The following ZDHHC13 variants were observed in gnomAD, a reference collection of about 807,000 sequenced individuals.
ZDHHC13 encodes the protein palmitoyltransferase ZDHHC13.
ZDHHC13 carries 85 observed loss-of-function variants against 86.0 expected under a neutral mutation model. That is an observed-to-expected ratio of 0.99 (90% CI 0.83 to 1.18). ZDHHC13 has a LOEUF of 1.18. Among genes scored for constraint, ZDHHC13 ranks in the 50% most tolerant of loss-of-function variants. ZDHHC13 has a pLI of 0.00. For synonymous variants in ZDHHC13, 263 were observed against 246.4 expected, an observed-to-expected ratio of 1.07 and a Z score of -0.63; for missense variants, 711 against 730.2, an observed-to-expected ratio of 0.97 and a Z score of 0.30.
intron 1 of ZDHHC13, among the ~76,000 whole-genome samples, chr11:19,136,018 C>T (rs1452537673): frequency 1.3e-5 from 2 of 152,250 alleles, no homozygotes; most frequent in African/African-American, 4.8e-5. Context: ...CAGAGCGCCT[C>T]TCCTCCTCCA....
intron 1 of ZDHHC13, among the ~76,000 whole-genome samples, chr11:19,133,831 G>A (rs1271695749): frequency 6.6e-6 from 1 of 150,582 alleles, no homozygotes; most frequent in African/African-American, 2.4e-5. Context: ...AGTCTTCTAA[G>A]GTGCTGGCTC....
chr11:19,167,017 G>A lies in ZDHHC13; in HGVS notation c.1474+632G>A, dbSNP rs549448783. The A allele has an allele frequency of 3.9e-5, 6 of 152,306 alleles. No homozygotes were observed. In the South Asian group the frequency reaches 1.0e-3, roughly 26 times the overall value. 9.4% of individuals were successfully genotyped at this position (152,306 alleles called of 1,614,324 possible). A position where few individuals can be genotyped will look rare whatever the true frequency, so the allele number is the denominator to read the frequency against. On this transcript the variant is annotated intron_variant, in intron 14 of 16. Coordinates refer to ENST00000446113, the MANE Select transcript of ZDHHC13 (RefSeq NM_019028.3). ...GAGGTGGTTGACTAAGAAGGACAGG[G>A]TTTAAATTGAACCAAGAAAGATTTT...
intron 1 of ZDHHC13, among the ~76,000 whole-genome samples, chr11:19,134,356 C>A (rs1463862770): frequency 6.6e-6 from 1 of 152,060 alleles, no homozygotes; most frequent in Non-Finnish European, 1.5e-5. Flanking sequence ...AAAAAATTAG[C>A]TGGGTATACC....
chr11:19,137,774 A>G (rs1470257947), intron 1 of ZDHHC13, among the ~76,000 whole-genome samples: 3 of 152,278 alleles, frequency 2.0e-5, no homozygotes, highest in African/African-American at 7.2e-5. Context: ...AAACCGCTCA[A>G]CTACATGGAA....
intron 4 of ZDHHC13, among the ~76,000 whole-genome samples, chr11:19,148,974 A>G (rs1849540029): frequency 6.6e-6 from 1 of 151,034 alleles, no homozygotes; most frequent in Non-Finnish European, 1.5e-5. Flanking sequence ...AACAAAAAAC[A>G]AAAAAAAACG....
chr11:19,169,737 G>A (rs979413021), intron 14 of ZDHHC13: 1 of 985,340 alleles, frequency 1.0e-6, no homozygotes, highest in African/African-American at 1.7e-5. Flanking sequence ...ACATGGGTTA[G>A]GAGGTTGATA....
intron 1 of ZDHHC13, among the ~76,000 whole-genome samples, chr11:19,133,960 A>C (rs1293502843): frequency 1.4e-5 from 1 of 71,404 alleles, no homozygotes; most frequent in East Asian, 3.0e-4. Flanking sequence ...TGTGTTTTAT[A>C]TACTTCAGTC....
intron 1 of ZDHHC13, among the ~76,000 whole-genome samples, chr11:19,139,950 A>G (rs1212817933): frequency 1.4e-5 from 2 of 146,658 alleles, no homozygotes; most frequent in African/African-American, 2.6e-5. Flanking sequence ...TAGACCTAAA[A>G]CCATAAAAAC....
intron 14 of ZDHHC13, chr11:19,169,270 A>T: frequency 3.0e-6 from 3 of 985,404 alleles, no homozygotes; most frequent in Non-Finnish European, 3.6e-6. Context: ...GGTGCATGGG[A>T]TGCATCTTTC....
At chr11:19,171,351 C>A (rs1411321978) in intron 15 of ZDHHC13, among the ~76,000 whole-genome samples, 1 of 151,928 alleles carries the variant, frequency 6.6e-6, no homozygotes, top group Non-Finnish European at 1.5e-5. Flanking sequence ...TACTGTAAGA[C>A]CTCAGATAAT....
chr11:19,165,770 G>T (rs1285301794), intron 13 of ZDHHC13, among the ~76,000 whole-genome samples: 1 of 152,204 alleles, frequency 6.6e-6, no homozygotes, highest in African/African-American at 2.4e-5. Context: ...GATATTCAGA[G>T]GTGGTGCTTT....
At chr11:19,162,768 GTA>G (rs1247903168) in intron 10 of ZDHHC13, among the ~76,000 whole-genome samples, 23 of 152,158 alleles carry the variant, frequency 1.5e-4, no homozygotes, top group Non-Finnish European at 1.5e-4. Flanking sequence ...AGAACTGAAC[GTA>G]TATATTTTGA....
intron 5 of ZDHHC13, 133 bp from the exon 6 acceptor site, chr11:19,150,594 A>G (rs1849581020): frequency 1.5e-6 from 1 of 685,916 alleles, no homozygotes; most frequent in African/African-American, 1.8e-5. Context: ...CATTCTTTTT[A>G]TCAAATGATA....
intron 2 of ZDHHC13, among the ~76,000 whole-genome samples, chr11:19,145,531 C>A (rs573063643): frequency 6.6e-6 from 1 of 152,302 alleles, no homozygotes; most frequent in South Asian, 2.1e-4. Context: ...TTGCCTATTG[C>A]GTCTGACCTC....
chr11:19,175,419 G>GAAAAAAAAT (rs1373727102), intron 16 of ZDHHC13, among the ~76,000 whole-genome samples: 1 of 51,184 alleles, frequency 2.0e-5, no homozygotes, highest in African/African-American at 5.6e-5. Flanking sequence ...AAAAAAAAAG[G>GAAAAAAAAT]TTTAGGGAAA....
chr11:19,152,225 AAC>A lies in ZDHHC13; in HGVS notation c.655_656del (p.Thr219SerfsTer12). The A allele has an allele frequency of 1.2e-6, 2 of 1,613,318 alleles. No individual in the cohort carries two copies. The highest frequency in any genetic ancestry group is 1.7e-6 in the Non-Finnish European group (2 of 1,179,456). On this transcript the variant is annotated frameshift_variant, in exon 7 of 17. Coordinates refer to ENST00000446113, the MANE Select transcript of ZDHHC13 (RefSeq NM_019028.3). LOFTEE classifies it high-confidence loss of function. The stretch of plus-strand genomic sequence containing the variant: ...CAATGTGGTTGATAAAATACACCAA[AAC>A]ACTCCACTTCACTGGGCAGTTGCAG... ...SLNVVDKIHQ[N>X]TPLHWAVAAG...
chr11:19,138,938 C>G (rs1247955510), intron 1 of ZDHHC13, among the ~76,000 whole-genome samples: 2 of 151,354 alleles, frequency 1.3e-5, no homozygotes, highest in Non-Finnish European at 3.0e-5. Flanking sequence ...CTATCTATGA[C>G]AAACCCACAG....
At chr11:19,174,114 T>C (rs182276750) in intron 16 of ZDHHC13, among the ~76,000 whole-genome samples, 2 of 152,330 alleles carry the variant, frequency 1.3e-5, no homozygotes, top group Admixed American at 6.5e-5. Context: ...ACTCGGTATA[T>C]ACCATGTTAT....
Position 19,150,402 on chromosome 11 carries a change from TC to T in ZDHHC13, c.520-324del, listed in dbSNP as rs368993335. On this transcript the variant is annotated intron_variant, in intron 5 of 16. Coordinates refer to ENST00000446113, the MANE Select transcript of ZDHHC13 (RefSeq NM_019028.3). ...ATGCGAATTAATGTGTCAACTAAGG[TC>T]TCAACTAGGTGACTTTTAAGGTCTC... is the stretch of plus-strand genomic sequence containing the variant. Among the ~76,000 whole-genome samples the T allele has an allele frequency of 3.4e-4, 52 of 152,292 alleles. 1 individual carries two copies. In the East Asian group the frequency reaches 9.1e-3, roughly 27 times the overall value.
Sources: allele counts gnomAD v4.1 joint callset (sites outside exome capture counted in the v4.1 genomes callset), GRCh38; gene constraint gnomAD v4.1.1; transcripts MANE v1.5; gene names NCBI Gene and HGNC (gene_info 2026-07-23, HGNC 2026-07-21).